The following MYBPC1 variants were observed in gnomAD, a reference collection of about 807,000 sequenced individuals.
MYBPC1 encodes myosin binding protein C1.
In MYBPC1, 52 loss-of-function variants were observed where a neutral mutation model predicts 147.1. The observed-to-expected ratio is 0.35, with a 90% CI of 0.28 to 0.45. The LOEUF (loss-of-function observed/expected upper bound fraction) is 0.45. MYBPC1 is among the 20% of genes least tolerant of loss of function. The pLI, the probability that MYBPC1 is intolerant of heterozygous loss-of-function variation, is 1.00. For missense variants in MYBPC1, 1,228 were observed against 1,440.3 expected (o/e 0.85, Z 2.39); for synonymous variants, 477 against 475.9 (o/e 1.00, Z -0.03).
intron 19 of MYBPC1, 107 bp downstream of exon 19, chr12:101,659,938 CCTTAT>C (rs1896237670): frequency 1.4e-6 from 2 of 1,408,318 alleles, no homozygotes; most frequent in Non-Finnish European, 2.0e-6. Flanking sequence ...TTTGTCTTTC[CCTTAT>C]CTTCTTTTTT....
rs1211648028 is a variant in MYBPC1, at chr12:101,603,322, G to A, written c.25+8227G>A. On this transcript the variant is annotated intron_variant, in intron 1 of 31. Coordinates refer to ENST00000361466, the MANE Select transcript of MYBPC1 (RefSeq NM_002465.4). Reference sequence around the variant, plus strand: ...ATCGCGCCATTGCACTCCAACCTGGGCAACAAGAGTGAAACTCCGTCTCAA... The same window carrying A: ...ATCGCGCCATTGCACTCCAACCTGGACAACAAGAGTGAAACTCCGTCTCAA... Among the ~76,000 whole-genome samples the A allele has an allele frequency of 3.3e-5, 5 of 151,470 alleles. No individual in the cohort carries two copies. In the East Asian group the frequency reaches 9.8e-4, roughly 30 times the overall value.
At chr12:101,689,318 G>A (rs759106733), downstream of MYBPC1, among the ~76,000 whole-genome samples, 5 of 151,364 alleles carry the variant, frequency 3.3e-5, no homozygotes, top group Non-Finnish European at 7.4e-5. Flanking sequence ...AGAAGGAAAG[G>A]CCTCTGGTCT....
At position 101,662,538 on chromosome 12, in the gene MYBPC1, T is replaced by G. The variant is rs1211181792; in HGVS notation, c.2213T>G (p.Val738Gly). ...CCCAGTATGCCCTCCAGGCCTTTTG[T>G]TCCTTTGGGTAAGTCAAGAGAGATG... Reference protein sequence around the residue: ...SKPSMPSRPFVPLAVTSPPTL... With the variant: ...SKPSMPSRPFGPLAVTSPPTL... Residue 738 changes from valine to glycine, a missense_variant, in exon 21 of 32, where the codon GTT becomes GGT. Physicochemically the swap from Val to Gly is moderately radical, Grantham distance 109. Around this residue, in one of 2 missense-constraint regions of MYBPC1, gnomAD observed 1,077 missense variants for 1,314.2 expected, o/e 0.82. Coordinates refer to ENST00000361466, the MANE Select transcript of MYBPC1 (RefSeq NM_002465.4). 1 of 1,614,118 alleles carries G rather than the reference T, an allele frequency of 6.2e-7. No homozygotes were observed. Among genetic ancestry groups the G allele is most frequent in the Admixed American group, 1.7e-5 (1 of 60,024 alleles).
chr12:101,689,710 G>C (rs894181363), downstream of MYBPC1, among the ~76,000 whole-genome samples: 1 of 152,164 alleles, frequency 6.6e-6, no homozygotes, highest in Admixed American at 6.5e-5. Flanking sequence ...CCCATGATTT[G>C]CTGCCCACAA....
chr12:101,647,962 G>A, intron 13 of MYBPC1, 83 bp from the exon 14 acceptor site: 1 of 1,143,790 alleles, frequency 8.7e-7, no homozygotes, highest in Non-Finnish European at 1.3e-6. Context: ...CTCACTGTTG[G>A]TTTTTCATCT....
At chr12:101,611,787 A>G (rs1237169579) in intron 1 of MYBPC1, among the ~76,000 whole-genome samples, 1 of 152,194 alleles carries the variant, frequency 6.6e-6, no homozygotes, top group African/African-American at 2.4e-5. Flanking sequence ...AGAATAGAAT[A>G]ATCAGCTCTG....
At chr12:101,693,628 C>G in the MYBPC1 span, among the ~76,000 whole-genome samples, 10 of 152,146 alleles carry the variant, frequency 6.6e-5, no homozygotes, top group African/African-American at 2.4e-4. Flanking sequence ...ATAGTCTCAG[C>G]TACTCAGGAT....
chr12:101,606,794 A>G, intron 1 of MYBPC1, among the ~76,000 whole-genome samples: 1 of 152,124 alleles, frequency 6.6e-6, no homozygotes, highest in East Asian at 1.9e-4. Flanking sequence ...ATACACTGTC[A>G]TTTATATTTG....
intron 2 of MYBPC1, 64 bp from the exon 3 acceptor site, chr12:101,617,138 T>C: frequency 1.3e-6 from 2 of 1,516,262 alleles, no homozygotes; most frequent in South Asian, 1.1e-5. Context: ...CTCCACCCCG[T>C]TGCTCATCAC....
At chr12:101,688,162 G>A (rs896220699), downstream of MYBPC1, among the ~76,000 whole-genome samples, 6 of 152,312 alleles carry the variant, frequency 3.9e-5, no homozygotes, top group African/African-American at 1.2e-4. Context: ...GCTCATGCCT[G>A]TAATCCCAGC....
intron 10 of MYBPC1, chr12:101,637,019 T>C (rs1167121580): frequency 7.1e-6 from 3 of 420,448 alleles, no homozygotes; most frequent in Non-Finnish European, 1.3e-5. Flanking sequence ...ATAAGACAAA[T>C]ACCTAGAAAC....
rs781078935 is a variant in MYBPC1, at chr12:101,636,725, G to A, written c.662G>A (p.Arg221His). The change falls in exon 10 of 32, where the codon CGT becomes CAT. Residue 221 changes from arginine (R) to histidine (H), a missense_variant. By Grantham distance (29) the Arg-to-His change is conservative (BLOSUM62 0). Around this residue, in one of 2 missense-constraint regions of MYBPC1, gnomAD observed 1,077 missense variants for 1,314.2 expected, o/e 0.82. Coordinates refer to ENST00000361466, the MANE Select transcript of MYBPC1 (RefSeq NM_002465.4). ...CTTGACTTTAGTGGTCTCCTGAAACGTAGGTGAGAACAAAGTGATGGAGTG... is the reference window on the plus strand; with the variant it reads ...CTTGACTTTAGTGGTCTCCTGAAACATAGGTGAGAACAAAGTGATGGAGTG... ...GELDFSGLLK[R>H]REVKQQEEEP... is the part of the protein sequence containing the mutation. 7.4e-6 allele frequency: 12 copies of A among 1,613,250 alleles called. No individual in the cohort carries two copies. The highest frequency in any genetic ancestry group is 2.2e-5 in the South Asian group (2 of 91,066).
Position 101,675,362 on chromosome 12 carries a change from T to A in MYBPC1, c.2880T>A (p.Thr960=). The A allele has an allele frequency of 6.2e-7, 1 of 1,614,180 alleles. No individual in the cohort carries two copies. Among genetic ancestry groups the A allele is most frequent in the Non-Finnish European group, 8.5e-7 (1 of 1,180,008 alleles). Residue 960 remains threonine (T), a synonymous_variant, in exon 26 of 32, where the codon ACT becomes ACA. Transcript: ENST00000361466. ...VWGENVALTW[T]PPKDDGNAAI... ...GAGAAAATGTCGCTCTCACATGGACTCCACCAAAGGATGATGGAAATGCTG... is the reference window on the plus strand; with the variant it reads ...GAGAAAATGTCGCTCTCACATGGACACCACCAAAGGATGATGGAAATGCTG...
At chr12:101,671,351 A>T (rs1053838389) in intron 24 of MYBPC1, among the ~76,000 whole-genome samples, 21 of 151,842 alleles carry the variant, frequency 1.4e-4, no homozygotes, top group African/African-American at 4.8e-4. Flanking sequence ...ACACACACAC[A>T]CTCACACATG....
At chr12:101,605,607 A>C (rs1056043179) in intron 1 of MYBPC1, among the ~76,000 whole-genome samples, 2 of 152,152 alleles carry the variant, frequency 1.3e-5, no homozygotes, top group Admixed American at 6.5e-5. Context: ...ATGCCTATAA[A>C]CTCAGCACTC....
chr12:101,635,388 C>T (rs12366302), intron 9 of MYBPC1, among the ~76,000 whole-genome samples: 38,069 of 151,940 alleles, frequency 0.25, 5,085 homozygotes, highest in Middle Eastern at 0.34. Flanking sequence ...GAAAGTCACT[C>T]CAAACTATTA....
chr12:101,605,978 T>G (rs775935665), intron 1 of MYBPC1, among the ~76,000 whole-genome samples: 33 of 152,224 alleles, frequency 2.2e-4, no homozygotes, highest in South Asian at 1.2e-3. Context: ...GCAGATCACT[T>G]GAGCCCAGGA....
intron 6 of MYBPC1, among the ~76,000 whole-genome samples, 180 bp from the exon 7 acceptor site, chr12:101,631,391 G>A (rs775085262): frequency 4.6e-5 from 7 of 152,114 alleles, no homozygotes; most frequent in Non-Finnish European, 7.4e-5. Context: ...AGAACAAGCT[G>A]GGACAGCCTA....
downstream of MYBPC1, among the ~76,000 whole-genome samples, chr12:101,687,243 G>A (rs1188737310): frequency 2.0e-5 from 3 of 151,960 alleles, no homozygotes; most frequent in East Asian, 5.8e-4. Context: ...CCCACAACAG[G>A]CCCTGGTGTG....
Sources: allele counts gnomAD v4.1 joint callset (sites outside exome capture counted in the v4.1 genomes callset), GRCh38; gene constraint gnomAD v4.1.1; regional missense constraint gnomAD v4.1.1; transcripts MANE v1.5; gene names NCBI Gene and HGNC (gene_info 2026-07-23, HGNC 2026-07-21).